Variants in C18orf54 observed in about 807,000 individuals in gnomAD.
C18orf54 encodes the protein lung adenoma susceptibility protein 2.
C18orf54 carries 49 observed loss-of-function variants against 49.3 expected under a neutral mutation model. The ratio of observed to expected loss-of-function variants is 0.99; its 90% CI spans 0.79 to 1.26. The LOEUF is 1.26. Among genes scored for constraint, C18orf54 ranks in the 50% most tolerant of loss-of-function variants. The probability of loss-of-function intolerance (pLI) is 0.00; values close to 1 mark genes in which losing one functional copy is unlikely to be tolerated. For synonymous variants in C18orf54, 211 were observed against 216.6 expected (o/e 0.97, Z 0.23); for missense variants, 687 against 620.6 (o/e 1.11, Z -1.14).
intron 7 of C18orf54, 57 bp downstream of exon 7, chr18:54,372,654 T>C (rs1224268537): frequency 1.4e-6 from 2 of 1,472,716 alleles, no homozygotes; most frequent in South Asian, 1.4e-5. Flanking sequence ...AAGATTTTTT[T>C]CTACATCTTT....
intron 2 of C18orf54, among the ~76,000 whole-genome samples, chr18:54,360,104 A>G (rs1224069360): frequency 2.0e-5 from 3 of 152,136 alleles, no homozygotes. Context: ...ATTGAGCGCT[A>G]TTATCTGCAG....
At chr18:54,370,392 T>C (rs1313781155) in intron 6 of C18orf54, among the ~76,000 whole-genome samples, 5 of 152,150 alleles carry the variant, frequency 3.3e-5, no homozygotes, top group Admixed American at 6.5e-5. Flanking sequence ...AAGATATGCA[T>C]AGGTTATATG....
At chr18:54,373,660 G>T (rs1180476654) in intron 7 of C18orf54, among the ~76,000 whole-genome samples, 1 of 151,772 alleles carries the variant, frequency 6.6e-6, no homozygotes, top group Non-Finnish European at 1.5e-5. Flanking sequence ...TGAGGTTGTT[G>T]AGAAGACAAA....
At position 54,362,215 on chromosome 18, in the gene C18orf54, G is replaced by T. The variant is rs992606104; in HGVS notation, c.856G>T (p.Asp286Tyr). 6.5e-7 allele frequency: 1 copy of T among 1,536,146 alleles called. No individual in the cohort carries two copies. ...SQRVYQIFKD[D>Y]QCSPRHSHQA... ...AAGGGTTTATCAGATATTTAAAGAT[G>T]ATCAGTGTTCCCCTAGACATAGTCA... is the stretch of plus-strand genomic sequence containing the variant. The change falls in exon 4 of 9, where the codon GAT becomes TAT. Residue 286 changes from aspartate (D) to tyrosine (Y), a missense_variant. By Grantham distance (160) the Asp-to-Tyr change is radical. Transcript: ENST00000620105.
intron 5 of C18orf54, among the ~76,000 whole-genome samples, chr18:54,365,109 AAT>A (rs1193158570): frequency 1.3e-5 from 2 of 152,032 alleles, no homozygotes; most frequent in African/African-American, 4.8e-5. Flanking sequence ...CAGTTTATGC[AAT>A]ATGTCTGTGA....
At chr18:54,366,499 A>G (rs1346295966) in intron 6 of C18orf54, among the ~76,000 whole-genome samples, 3 of 152,002 alleles carry the variant, frequency 2.0e-5, no homozygotes, top group Non-Finnish European at 4.4e-5. Context: ...TCTGTTGTCT[A>G]TATATGTCAC....
intron 6 of C18orf54, among the ~76,000 whole-genome samples, chr18:54,367,699 A>T (rs1033503173): frequency 6.6e-6 from 1 of 151,972 alleles, no homozygotes; most frequent in African/African-American, 2.4e-5. Flanking sequence ...TTTTGGCTTA[A>T]ATCTACTGGG....
intron 6 of C18orf54, among the ~76,000 whole-genome samples, chr18:54,367,651 C>G (rs1428253413): frequency 1.3e-5 from 2 of 152,040 alleles, no homozygotes; most frequent in Non-Finnish European, 2.9e-5. Flanking sequence ...TTAGAATTGC[C>G]TTTGCAGTGT....
At chr18:54,365,698 C>A (rs761384515) in intron 5 of C18orf54, 21 bp from the exon 6 acceptor site, 15 of 1,437,922 alleles carry the variant, frequency 1.0e-5, no homozygotes, top group African/African-American at 4.2e-5. Flanking sequence ...TGCTATCTTG[C>A]ATCCTTTAAA....
chr18:54,369,508 C>T, intron 6 of C18orf54, among the ~76,000 whole-genome samples: 1 of 124,168 alleles, frequency 8.1e-6, no homozygotes, highest in East Asian at 2.6e-4. Flanking sequence ...CTTACTCTGT[C>T]TCCCAGGCTG....
intron 7 of C18orf54, 114 bp downstream of exon 7, chr18:54,372,711 A>C: frequency 1.0e-6 from 1 of 976,302 alleles, no homozygotes; most frequent in Non-Finnish European, 1.5e-6. Context: ...GCCACATTAC[A>C]CATGTTGTAA....
chr18:54,374,564 A>G (rs1387821119), intron 8 of C18orf54, among the ~76,000 whole-genome samples: 2 of 151,868 alleles, frequency 1.3e-5, no homozygotes, highest in Non-Finnish European at 3.0e-5. Context: ...TTATGATAGT[A>G]TTTTTGTGAG....
At chr18:54,369,125 C>T (rs571188220) in intron 6 of C18orf54, among the ~76,000 whole-genome samples, 3 of 152,094 alleles carry the variant, frequency 2.0e-5, no homozygotes, top group African/African-American at 7.2e-5. Flanking sequence ...GCAGGAAGAC[C>T]TAGGAAACAA....
In C18orf54 at chr18:54,361,897, G is replaced by A. The variant is rs1310463958; in HGVS notation, c.538G>A (p.Asp180Asn). 7 of 1,614,124 alleles carry A rather than the reference G, an allele frequency of 4.3e-6. No homozygotes were observed. The change falls in exon 4 of 9, where the codon GAT (aspartate) becomes AAT (asparagine). Residue 180 changes from aspartate to asparagine, a missense_variant. Transcript: ENST00000620105. ...FQGPYTSMGK[D>N]NFVTPVIRSN... ...AGGACCCTACACTTCCATGGGCAAG[G>A]ATAACTTTGTTACTCCTGTTATACG...
At chr18:54,363,403 C>T (rs186571092) in intron 5 of C18orf54, among the ~76,000 whole-genome samples, 65 of 152,156 alleles carry the variant, frequency 4.3e-4, no homozygotes, top group Admixed American at 1.6e-3. Context: ...CTGCAACCTC[C>T]GCCTCCTGGG....
At chr18:54,364,448 A>G (rs1393367408) in intron 5 of C18orf54, among the ~76,000 whole-genome samples, 1 of 152,094 alleles carries the variant, frequency 6.6e-6, no homozygotes, top group Non-Finnish European at 1.5e-5. Context: ...GGAAGACTGA[A>G]TTTATATTGT....
intron 5 of C18orf54, among the ~76,000 whole-genome samples, chr18:54,365,319 A>G (rs964735069): frequency 1.3e-5 from 2 of 152,028 alleles, no homozygotes; most frequent in African/African-American, 2.4e-5. Context: ...TTTAACTGCC[A>G]TTCTAGTAAA....
At position 54,360,120 on chromosome 18, in the gene C18orf54, G is replaced by A. The variant is rs16958090; in HGVS notation, c.-46-407G>A. ...TTGAGCGCTATTATCTGCAGCACAT[G>A]GTAGTAGGCTTATGATTTGAAAAAT... On this transcript the variant is annotated intron_variant, in intron 2 of 8. Transcript: ENST00000620105. Among the ~76,000 whole-genome samples, 637 of 152,278 alleles carry A rather than the reference G, an allele frequency of 4.2e-3. 9 individuals carry two copies. Among genetic ancestry groups the A allele is most frequent in the African/African-American group, 0.015 (621 of 41,566 alleles).
At chr18:54,364,981 A>T (rs937982209) in intron 5 of C18orf54, among the ~76,000 whole-genome samples, 1 of 152,018 alleles carries the variant, frequency 6.6e-6, no homozygotes, top group Non-Finnish European at 1.5e-5. Context: ...TGATTAATAG[A>T]ATTTGATTCT....
Sources: gnomAD v4.1 joint callset for allele counts (sites outside exome capture counted in the v4.1 genomes callset) on GRCh38, gnomAD v4.1.1 for gene constraint, MANE v1.5 for transcripts, NCBI Gene and HGNC (gene_info 2026-07-23, HGNC 2026-07-21) for gene names.